PCDHA5: variants seen among roughly 807,000 people sequenced by gnomAD.
PCDHA5 encodes protocadherin alpha 5.
Under a neutral mutation model 61.6 loss-of-function variants are expected in PCDHA5, and 43 were observed. The ratio of observed to expected loss-of-function variants is 0.70; its 90% CI spans 0.55 to 0.90. The LOEUF (loss-of-function observed/expected upper bound fraction) is 0.90, where lower values mean the gene tolerates loss of function less well. Ranked by LOEUF, PCDHA5 falls within the 40% of genes least tolerant of loss-of-function variation. The probability of loss-of-function intolerance (pLI) is 0.00; values close to 1 mark genes in which losing one functional copy is unlikely to be tolerated. For missense variants in PCDHA5, 1,298 were observed against 1,222.7 expected (o/e 1.06, Z -0.92); for synonymous variants, 627 against 543.9 (o/e 1.15, Z -2.13).
chr5:140,833,154 TA>T (rs1772333150), intron 1 of PCDHA5, among the ~76,000 whole-genome samples: 1 of 152,084 alleles, frequency 6.6e-6, no homozygotes, highest in Admixed American at 6.6e-5. Context: ...GCAATACGAA[TA>T]AAAAGTATTA....
At chr5:140,833,483 A>G (rs1195762911) in intron 1 of PCDHA5, among the ~76,000 whole-genome samples, 2 of 152,204 alleles carry the variant, frequency 1.3e-5, no homozygotes, top group Non-Finnish European at 2.9e-5. Flanking sequence ...AAATAATACA[A>G]ATCATATTTG....
rs1554128419 is a variant in PCDHA5 at position 140,822,057 on chromosome 5, G to A, written c.282G>A (p.Leu94=). 6.2e-7 allele frequency: 1 copy of A among 1,614,224 alleles called. No individual in the cohort carries two copies. Among genetic ancestry groups the A allele is most frequent in the South Asian group, 1.1e-5 (1 of 91,084 alleles). The part of the protein sequence containing the change: ...FVNSRIDREE[L]CRRRAECSIH... The stretch of plus-strand genomic sequence containing the variant: ...ATTCTCGGATCGACCGGGAGGAGCT[G>A]TGCCGGCGGAGGGCGGAGTGCAGCA... Residue 94 remains leucine, a synonymous_variant, in exon 1 of 4, where the codon CTG becomes CTA. Coordinates refer to ENST00000529859, the MANE Select transcript of PCDHA5 (RefSeq NM_018908.3).
intron 1 of PCDHA5, among the ~76,000 whole-genome samples, chr5:140,890,607 T>A (rs2062708566): frequency 6.6e-6 from 1 of 152,184 alleles, no homozygotes; most frequent in Non-Finnish European, 1.5e-5. Context: ...GAATAGCTAG[T>A]GCTTACCCTA....
At chr5:140,836,737 A>T in intron 1 of PCDHA5, 1 of 1,603,604 alleles carries the variant, frequency 6.2e-7, no homozygotes, top group South Asian at 1.1e-5. Flanking sequence ...TCTACAGACA[A>T]TGTGAGTCAT....
In PCDHA5 at chr5:140,833,703, A is replaced by C. The variant is rs1170521350; in HGVS notation, c.2352+9576A>C. On this transcript the variant is annotated intron_variant, in intron 1 of 3. Transcript: ENST00000529859. ...AACCTTCTCTTATTTTGTTTTCCCA[A>C]GAGAAGTGTCTGGATAGTTGCTAAT... Among the ~76,000 whole-genome samples the C allele has an allele frequency of 3.9e-5, 6 of 152,270 alleles. No homozygotes were observed. In the South Asian group the frequency reaches 8.3e-4, roughly 21 times the overall value.
chr5:140,868,477 A>T (rs1165630673), intron 1 of PCDHA5: 1 of 152,380 alleles, frequency 6.6e-6, no homozygotes, highest in Non-Finnish European at 1.5e-5. Flanking sequence ...ATAAAACTTC[A>T]ATTTTTTCTT....
intron 3 of PCDHA5, among the ~76,000 whole-genome samples, chr5:140,999,702 T>A (rs78322991): frequency 6.6e-6 from 1 of 152,136 alleles, no homozygotes; most frequent in South Asian, 2.1e-4. Context: ...GATTTTTTTT[T>A]AGCTAACTAC....
chr5:140,904,177 AC>A (rs1185990725), intron 1 of PCDHA5, among the ~76,000 whole-genome samples: 1 of 151,302 alleles, frequency 6.6e-6, no homozygotes, highest in Non-Finnish European at 1.5e-5. Flanking sequence ...TTTATTCCTC[AC>A]CCCCTTCCCA....
At chr5:140,917,340 T>TGGGGG (rs2078149834) in intron 1 of PCDHA5, among the ~76,000 whole-genome samples, 2 of 133,058 alleles carry the variant, frequency 1.5e-5, no homozygotes, top group African/African-American at 2.7e-5. Flanking sequence ...AGGGGGGGGA[T>TGGGGG]GGTGTAGGCT....
chr5:140,929,722 T>G (rs558208996), intron 1 of PCDHA5: 1 of 221,696 alleles, frequency 4.5e-6, no homozygotes, highest in Non-Finnish European at 9.4e-6. Flanking sequence ...AGGTGAAACA[T>G]TTACTTAAAC....
At position 140,837,471 on chromosome 5, in the gene PCDHA5, C is replaced by T. The variant is rs2150275751; in HGVS notation, c.2352+13344C>T. Among the ~76,000 whole-genome samples, 442 of 151,506 alleles carry T rather than the reference C, an allele frequency of 2.9e-3. 6 individuals are homozygous for T. The highest frequency in any genetic ancestry group is 0.01 in the African/African-American group (420 of 41,194). On this transcript the variant is annotated intron_variant, in intron 1 of 3. Coordinates refer to ENST00000529859, the MANE Select transcript of PCDHA5 (RefSeq NM_018908.3). ...TAAAAAATCTCCTTGCCTCCTCAAA[C>T]CCCAAACCATTTACTTTACCTTTCT... is the stretch of plus-strand genomic sequence containing the variant.
intron 1 of PCDHA5, chr5:140,870,203 T>C (rs782746068): frequency 5.0e-6 from 8 of 1,613,986 alleles, no homozygotes; most frequent in Non-Finnish European, 5.1e-6. Flanking sequence ...CCCAGCACGG[T>C]CATTGCCCTG....
intron 3 of PCDHA5, among the ~76,000 whole-genome samples, chr5:141,004,253 C>G (rs1460798910): frequency 6.6e-6 from 1 of 152,200 alleles, no homozygotes; most frequent in Non-Finnish European, 1.5e-5. Flanking sequence ...TTTTGTTTTA[C>G]TGGAATGAGT....
At position 140,858,244 on chromosome 5, in the gene PCDHA5, G is replaced by T. The variant is rs782743084; in HGVS notation, c.2352+34117G>T. The T allele has an allele frequency of 1.9e-5, 30 of 1,595,808 alleles. 1 individual carries two copies. The highest frequency in any genetic ancestry group is 3.4e-4 in the Middle Eastern group (2 of 5,896). On this transcript the variant is annotated intron_variant, in intron 1 of 3. Transcript: ENST00000529859. Reference sequence around the variant, plus strand: ...CGCCCACCGAGGGCGCATGTGGGCCGGTGAAGCCCACGCTGGTGTGCTCTA... The same window carrying T: ...CGCCCACCGAGGGCGCATGTGGGCCTGTGAAGCCCACGCTGGTGTGCTCTA...
At chr5:140,889,042 A>G (rs1395605890) in intron 1 of PCDHA5, among the ~76,000 whole-genome samples, 1 of 152,046 alleles carries the variant, frequency 6.6e-6, no homozygotes, top group African/African-American at 2.4e-5. Context: ...ATTTGATTAT[A>G]ATTTATAATC....
intron 1 of PCDHA5, chr5:140,849,462 G>GTC (rs2150438289): frequency 6.3e-7 from 1 of 1,588,650 alleles, no homozygotes; most frequent in Non-Finnish European, 8.6e-7. Context: ...AGTCGAGGCT[G>GTC]TCGATAAAGG....
At chr5:140,872,997 A>G (rs1391702817) in intron 1 of PCDHA5, among the ~76,000 whole-genome samples, 2 of 152,104 alleles carry the variant, frequency 1.3e-5, no homozygotes, top group East Asian at 3.9e-4. Flanking sequence ...TTTACTTCTG[A>G]GTCATTCTTC....
intron 1 of PCDHA5, among the ~76,000 whole-genome samples, chr5:140,904,827 T>A (rs1554191731): frequency 2.0e-5 from 3 of 152,064 alleles, no homozygotes; most frequent in African/African-American, 7.2e-5. Context: ...AGCATTTTTT[T>A]ATATGTTTCA....
rs145229632 is a variant in PCDHA5 at position 140,928,096 on chromosome 5, C to A, written c.2353-50853C>A. ...CTACTACAGCCTGCTGATTGATGGG[C>A]CCCTGGACCGGGAGCAGATCAGTGA... On this transcript the variant is annotated intron_variant, in intron 1 of 3. Coordinates refer to ENST00000529859, the MANE Select transcript of PCDHA5 (RefSeq NM_018908.3). 3.5e-5 allele frequency: 57 copies of A among 1,614,052 alleles called. No homozygotes were observed. In the African/African-American group the frequency reaches 6.8e-4, roughly 19 times the overall value.
Sources: allele counts gnomAD v4.1 joint callset (sites outside exome capture counted in the v4.1 genomes callset), GRCh38; gene constraint gnomAD v4.1.1; transcripts MANE v1.5; gene names NCBI Gene and HGNC (gene_info 2026-07-23, HGNC 2026-07-21).